Variants in TTN observed in about 807,000 individuals in gnomAD.
The protein encoded by TTN is titin.
TTN carries 1,525 observed loss-of-function variants against 3,223.0 expected under a neutral mutation model. The ratio of observed to expected loss-of-function variants is 0.47; its 90% confidence interval spans 0.45 to 0.49. TTN has a LOEUF of 0.49. Ranked by LOEUF, TTN falls within the 20% of genes least tolerant of loss-of-function variation. The pLI is 0.00. For missense variants in TTN, 40,786 were observed against 43,424.0 expected, an observed-to-expected ratio of 0.94 and a Z score of 5.40; for synonymous variants, 14,094 against 15,161.0, an observed-to-expected ratio of 0.93 and a Z score of 5.17.
intron 47 of TTN, chr2:178,748,164 T>C: frequency 1.2e-6 from 2 of 1,613,170 alleles, no homozygotes; most frequent in Non-Finnish European, 1.7e-6. Flanking sequence ...GAAAGATCAG[T>C]TTCTTCTATA....
chr2:178,718,003 A>T lies in TTN; in HGVS notation c.25003T>A (p.Ser8335Thr). 1 of 1,613,786 alleles carries T rather than the reference A, an allele frequency of 6.2e-7. No individual in the cohort carries two copies. The highest frequency in any genetic ancestry group is 8.5e-7 in the Non-Finnish European group (1 of 1,179,714). Reference sequence around the variant, plus strand: ...CCCACACTGTTGTCTGCCTTGCATGAATACTCTCCCACATCACTGTGATCC... The same window carrying T: ...CCCACACTGTTGTCTGCCTTGCATGTATACTCTCCCACATCACTGTGATCC... ...KVDHSDVGEY[S>T]CKADNSVGAV... Residue 8335 changes from serine to threonine, a missense_variant, in exon 86 of 363, where the codon TCA becomes ACA. Coordinates refer to ENST00000589042, the MANE Select transcript of TTN (RefSeq NM_001267550.2).
At position 178,607,930 on chromosome 2, in the gene TTN, G is replaced by T. The variant is rs1057520724; in HGVS notation, c.52857C>A (p.Cys17619Ter). The T allele has an allele frequency of 6.2e-7, 1 of 1,612,934 alleles. No individual in the cohort carries two copies. Among genetic ancestry groups the T allele is most frequent in the Non-Finnish European group, 8.5e-7 (1 of 1,179,278 alleles). ...GACGGACCTTGATCATCTTCTCTGT[G>T]CAGCGTGACCATTCATTTGTGCCAA... ...QLVGTNEWSR[C>*]TEKMIKVRQY... Residue 17619 changes from cysteine (C) to a stop codon, truncating the protein, a stop_gained, in exon 276 of 363, where the codon TGC becomes TGA. Transcript: ENST00000589042. LOFTEE classifies it high-confidence loss of function.
chr2:178,631,805 G>A lies in TTN; in HGVS notation c.43747+342C>T, dbSNP rs1429989036. On this transcript the variant is annotated intron_variant, in intron 236 of 362. Coordinates refer to ENST00000589042, the MANE Select transcript of TTN (RefSeq NM_001267550.2). ...AATTATGTAATATCTTCTCTTATGG[G>A]AAACTTGAAAAACATTCCTCTGAAA... 3.3e-5 allele frequency among the ~76,000 whole-genome samples: 5 copies of A among 151,984 alleles called. No homozygotes were observed. The East Asian group carries it at 9.7e-4, about 29-fold the overall frequency.
chr2:178,585,403 T>C (rs1320234933), intron 308 of TTN, 56 bp from the exon 309 acceptor site: 1 of 1,518,236 alleles, frequency 6.6e-7, no homozygotes, highest in Admixed American at 2.2e-5. Flanking sequence ...TTTCTTCTGG[T>C]GGAGAGCTAT....
intron 43 of TTN, among the ~76,000 whole-genome samples, chr2:178,760,490 C>T (rs182443052): frequency 6.6e-6 from 1 of 152,228 alleles, no homozygotes; most frequent in African/African-American, 2.4e-5. Flanking sequence ...AGATCTCCAG[C>T]CTGGTGACAG....
chr2:178,613,017 T>C lies in TTN; in HGVS notation c.49704A>G (p.Val16568=), dbSNP rs565691537. 1.6e-5 allele frequency: 25 copies of C among 1,612,716 alleles called. No individual in the cohort carries two copies. Among genetic ancestry groups the C allele is most frequent in the Non-Finnish European group, 2.1e-5 (25 of 1,179,274 alleles). ...GTTCTGGTTTTGTCCAATTCAACCT[T>C]ACTGATGTTTTGCCTACATCTTTTA... The part of the protein sequence containing the change: ...PTVKDVGKTS[V]RLNWTKPEHD... The change falls in exon 265 of 363, where the codon GTA becomes GTG. Residue 16568 remains valine (V), a synonymous_variant. Coordinates refer to ENST00000589042, the MANE Select transcript of TTN (RefSeq NM_001267550.2).
At position 178,589,398 on chromosome 2, in the gene TTN, C is replaced by T. The variant is rs752393957; in HGVS notation, c.62327G>A (p.Ser20776Asn). 2 of 1,613,448 alleles carry T rather than the reference C, an allele frequency of 1.2e-6. No individual in the cohort carries two copies. Among genetic ancestry groups the T allele is most frequent in the Admixed American group, 1.7e-5 (1 of 59,968 alleles). The change falls in exon 304 of 363, where the codon AGT becomes AAT. Residue 20776 changes from serine to asparagine, a missense_variant. Ser to Asn is a conservative substitution (Grantham distance 46, BLOSUM62 1). Transcript: ENST00000589042. Reference sequence around the variant, plus strand: ...CCCTGCTTTGACAGTTAGGACCCCACTTAATTTCAGATCAAGTACTGGTTT... The same window carrying T: ...CCCTGCTTTGACAGTTAGGACCCCATTTAATTTCAGATCAAGTACTGGTTT... Reference protein sequence around the residue: ...LQKPVLDLKLSGVLTVKAGDT... With the variant: ...LQKPVLDLKLNGVLTVKAGDT...
Position 178,652,856 on chromosome 2 carries a change from G to A in TTN, c.38951C>T (p.Pro12984Leu), listed in dbSNP as rs1323120261. ...LAPPKKPEVPPVKVPEAPKEV... is the reference protein window; with the variant it reads ...LAPPKKPEVPLVKVPEAPKEV... ...AAGCCAGTGACAAATACCTTTAACAGGAGGGACTTCAGGCTTTTTAGGAGG... is the reference window on the plus strand; with the variant it reads ...AAGCCAGTGACAAATACCTTTAACAAGAGGGACTTCAGGCTTTTTAGGAGG... Residue 12984 changes from proline (P) to leucine (L), a missense_variant, in exon 200 of 363, where the codon CCT becomes CTT. Pro to Leu is a moderately conservative substitution (Grantham distance 98). Transcript: ENST00000589042. The A allele has an allele frequency of 6.2e-7, 1 of 1,611,606 alleles. No homozygotes were observed. Among genetic ancestry groups the A allele is most frequent in the East Asian group, 2.2e-5 (1 of 44,802 alleles).
Position 178,717,258 on chromosome 2 carries a change from A to T in TTN, c.25476T>A (p.Asp8492Glu), listed in dbSNP as rs777349143. 9 of 1,613,602 alleles carry T rather than the reference A, an allele frequency of 5.6e-6. No homozygotes were observed. Among genetic ancestry groups the T allele is most frequent in the Middle Eastern group, 1.6e-4 (1 of 6,080 alleles). The change falls in exon 88 of 363, where the codon GAT (aspartate) becomes GAA (glutamate). Residue 8492 changes from aspartate (D) to glutamate (E), a missense_variant. Physicochemically the swap from Asp to Glu is conservative, Grantham distance 45. Transcript: ENST00000589042. ...TGCCTCCAGGGCGAATCTCTCGGTT[A>T]TCTTTGGCCCAAGTGATTTTGATTG... ...TAPIKITWAK[D>E]NREIRPGGNY...
rs527592906 is a variant in TTN, at chr2:178,614,091, G to C, written c.49306C>G (p.Pro16436Ala). ...AAENMYGVGE[P>A]VQASPITAKY... ...GCTGTTATTGGAGAGGCCTGAACTG[G>C]TTCACCAACACCATACATGTTTTCT... The change falls in exon 262 of 363, where the codon CCA becomes GCA. Residue 16436 changes from proline to alanine, a missense_variant. Physicochemically the swap from Pro to Ala is conservative, Grantham distance 27 (BLOSUM62 -1). Coordinates refer to ENST00000589042, the MANE Select transcript of TTN (RefSeq NM_001267550.2). 1 of 1,612,398 alleles carries C rather than the reference G, an allele frequency of 6.2e-7. No homozygotes were observed. Among genetic ancestry groups the C allele is most frequent in the East Asian group, 2.2e-5 (1 of 44,530 alleles).
chr2:178,664,644 CA>C lies in TTN; in HGVS notation c.36202+9del. ...TGTTCCCACCCCTCTAAGCTTCCAG[CA>C]AGATATACCTTCATCAGGAAGGACT... On this transcript the variant is annotated intron_variant, in intron 167 of 362. Transcript: ENST00000589042. The C allele has an allele frequency of 1.2e-6, 2 of 1,612,038 alleles. No homozygotes were observed. Among genetic ancestry groups the C allele is most frequent in the Non-Finnish European group, 1.7e-6 (2 of 1,179,502 alleles).
In TTN at chr2:178,570,335, A is replaced by C. The variant is rs1707719104; in HGVS notation, c.75797T>G (p.Val25266Gly). The C allele has an allele frequency of 6.2e-7, 1 of 1,613,148 alleles. No homozygotes were observed. The highest frequency in any genetic ancestry group is 8.5e-7 in the Non-Finnish European group (1 of 1,179,596). The change falls in exon 326 of 363, where the codon GTT becomes GGT. Residue 25266 changes from valine to glycine, a missense_variant. Transcript: ENST00000589042. The part of the protein sequence containing the change: ...DANVQTLSCK[V>G]TKLLEGNEYT... ...TTCATTGCCTTCAAGAAGCTTAGTA[A>C]CCTTGCAGCTGAGAGTCTGCACATT... is the stretch of plus-strand genomic sequence containing the variant.
intron 138 of TTN, among the ~76,000 whole-genome samples, chr2:178,680,802 C>T (rs749239614): frequency 2.2e-4 from 33 of 152,036 alleles, no homozygotes; most frequent in Non-Finnish European, 4.3e-4. Context: ...ATATGCCAAA[C>T]GGTCACTGAT....
At chr2:178,756,860 A>C in intron 45 of TTN, 63 bp from the exon 46 acceptor site, 1 of 1,461,538 alleles carries the variant, frequency 6.8e-7, no homozygotes, top group Middle Eastern at 1.8e-4. Context: ...TCACTTGCCC[A>C]TGTTAGTAAC....
At chr2:178,686,189 C>T (rs1475379987) in intron 127 of TTN, among the ~76,000 whole-genome samples, 1 of 126,694 alleles carries the variant, frequency 7.9e-6, no homozygotes, top group Non-Finnish European at 1.6e-5. Context: ...GGCGGGATCT[C>T]GGCTCACTGC....
chr2:178,743,267 A>G (rs1456580715), intron 47 of TTN, among the ~76,000 whole-genome samples: 1 of 152,058 alleles, frequency 6.6e-6, no homozygotes, highest in Non-Finnish European at 1.5e-5. Context: ...AAAAAATTAC[A>G]TGTTGTGGTA....
In TTN at chr2:178,574,237, G is replaced by A. The variant is rs772655984; in HGVS notation, c.71895C>T (p.Asp23965=). The change falls in exon 326 of 363, where the codon GAC becomes GAT. Residue 23965 remains aspartate (D), a synonymous_variant. Coordinates refer to ENST00000589042, the MANE Select transcript of TTN (RefSeq NM_001267550.2). ...KITSYIVEKR[D]LPNGRWLKAN... is the part of the protein sequence containing the mutation. ...CCTTCAGCCACCGTCCATTAGGAAGGTCTCTCTTTTCAACGATATAACTGG... is the reference window on the plus strand; with the variant it reads ...CCTTCAGCCACCGTCCATTAGGAAGATCTCTCTTTTCAACGATATAACTGG... 16 of 1,613,096 alleles carry A rather than the reference G, an allele frequency of 9.9e-6. No individual in the cohort carries two copies. In the South Asian group the frequency reaches 1.6e-4, roughly 17 times the overall value.
At chr2:178,653,196 A>T in intron 198 of TTN, 42 bp downstream of exon 198, 1 of 1,607,702 alleles carries the variant, frequency 6.2e-7, no homozygotes, top group Non-Finnish European at 8.5e-7. Context: ...TTCAACTGCA[A>T]AAGAATTAGA....
chr2:178,581,371 A>G, intron 316 of TTN, 128 bp downstream of exon 316: 1 of 684,500 alleles, frequency 1.5e-6, no homozygotes, highest in Non-Finnish European at 2.2e-6. Flanking sequence ...AGCTCTCCTA[A>G]AAAGTACTCT....
Sources: allele counts gnomAD v4.1 joint callset (sites outside exome capture counted in the v4.1 genomes callset), GRCh38; gene constraint gnomAD v4.1.1; transcripts MANE v1.5; gene names NCBI Gene and HGNC (gene_info 2026-07-23, HGNC 2026-07-21).